The following BCL2L13 variants were observed in gnomAD, a reference collection of about 807,000 sequenced individuals.
BCL2L13 encodes bcl-2-like protein 13.
In BCL2L13, 13 loss-of-function variants were observed where a neutral mutation model predicts 25.8. The observed-to-expected ratio is 0.50, with a 90% confidence interval of 0.33 to 0.80. The LOEUF is 0.80. Ranked by LOEUF, BCL2L13 falls within the 30% of genes least tolerant of loss-of-function variation. BCL2L13 has a pLI of 0.02. For synonymous variants in BCL2L13, 244 were observed against 230.3 expected, an observed-to-expected ratio of 1.06 and a Z score of -0.54; for missense variants, 504 against 574.9, an observed-to-expected ratio of 0.88 and a Z score of 1.26.
chr22:17,646,716 C>CTTTTTTTTTTT (rs10684670), intron 1 of BCL2L13, among the ~76,000 whole-genome samples: 1 of 89,192 alleles, frequency 1.1e-5, no homozygotes, highest in Non-Finnish European at 2.0e-5. Context: ...AAATATCTGT[C>CTTTTTTTTTTT]TTTTTTTTTT....
rs957882776 is a variant in BCL2L13, at chr22:17,729,431, G to C, written c.*1897G>C. The C allele has an allele frequency of 1.2e-4, 18 of 152,172 alleles. No individual in the cohort carries two copies. Among genetic ancestry groups the C allele is most frequent in the Non-Finnish European group, 1.9e-4 (13 of 68,030 alleles). The allele number at this position is 152,172 out of a possible 1,614,324, so 9.4% of individuals were successfully genotyped here. ...CTCTGATAGTTGCATTGATTGTTCT[G>C]TATTCTAATTGCTATATTTGTGTTT... On this transcript the variant is annotated 3_prime_UTR_variant, in exon 7 of 7. Transcript: ENST00000317582.
At chr22:17,701,475 G>A (rs2060432445) in intron 5 of BCL2L13, among the ~76,000 whole-genome samples, 1 of 152,048 alleles carries the variant, frequency 6.6e-6, no homozygotes, top group African/African-American at 2.4e-5. Context: ...TACACAAATG[G>A]TACTGTATGT....
chr22:17,666,678 C>CTTTTT (rs35623813), intron 2 of BCL2L13, among the ~76,000 whole-genome samples: 11 of 121,304 alleles, frequency 9.1e-5, no homozygotes, highest in Admixed American at 1.9e-4. Flanking sequence ...GGACCTCATT[C>CTTTTT]TTTTTTTTTT....
At chr22:17,663,770 TCCAC>T (rs1343346923) in intron 2 of BCL2L13, among the ~76,000 whole-genome samples, 2 of 133,876 alleles carry the variant, frequency 1.5e-5, no homozygotes, top group Non-Finnish European at 3.1e-5. Context: ...CACTGCAACC[TCCAC>T]CCGCCTAGTT....
At chr22:17,635,438 G>A (rs5747302), upstream of BCL2L13, among the ~76,000 whole-genome samples, 79,909 of 151,884 alleles carry the variant, frequency 0.53, 22,849 homozygotes, top group African/African-American at 0.75. Flanking sequence ...AAAGTCAAAT[G>A]ATTTCTATAA....
intron 1 of BCL2L13, among the ~76,000 whole-genome samples, chr22:17,650,888 C>T (rs1307633634): frequency 6.6e-6 from 1 of 151,766 alleles, no homozygotes; most frequent in African/African-American, 2.4e-5. Flanking sequence ...TATTTTCTTT[C>T]AGGCTATCTT....
intron 2 of BCL2L13, among the ~76,000 whole-genome samples, chr22:17,658,892 A>C (rs2058974311): frequency 6.7e-6 from 1 of 148,464 alleles, no homozygotes; most frequent in Non-Finnish European, 1.5e-5. Context: ...CCCCATCTCT[A>C]CTAAAAATAC....
intron 6 of BCL2L13, among the ~76,000 whole-genome samples, chr22:17,707,022 TTAATC>T (rs1406481506): frequency 6.6e-6 from 1 of 152,216 alleles, no homozygotes; most frequent in East Asian, 1.9e-4. Flanking sequence ...TTTTGTTTGT[TTAATC>T]TAGGATATTT....
intron 1 of BCL2L13, among the ~76,000 whole-genome samples, chr22:17,651,601 C>T (rs971644246): frequency 2.7e-5 from 4 of 149,222 alleles, no homozygotes; most frequent in Non-Finnish European, 5.9e-5. Context: ...AGGCTGGTCT[C>T]GAACTCCTGA....
intron 4 of BCL2L13, among the ~76,000 whole-genome samples, chr22:17,691,217 A>G (rs778757491): frequency 5.3e-5 from 8 of 152,072 alleles, no homozygotes; most frequent in Non-Finnish European, 7.4e-5. Context: ...GTACTTTCAT[A>G]TATTTTATAT....
chr22:17,727,354 C>T lies in BCL2L13; in HGVS notation c.1278C>T (p.Ser426=). The T allele has an allele frequency of 3.1e-6, 5 of 1,614,202 alleles. No homozygotes were observed. The highest frequency in any genetic ancestry group is 2.2e-5 in the East Asian group (1 of 44,882). The change falls in exon 7 of 7, where the codon TCC becomes TCT. Residue 426 remains serine, a synonymous_variant. Transcript: ENST00000317582. The part of the protein sequence containing the change: ...AREESLVEEL[S]PASEKKPVPP... ...AAGAGAGCCTTGTGGAAGAGCTGTC[C>T]CCTGCCAGCGAGAAGAAGCCCGTGC...
intron 6 of BCL2L13, among the ~76,000 whole-genome samples, chr22:17,723,582 A>G (rs2061209029): frequency 6.6e-6 from 1 of 152,222 alleles, no homozygotes; most frequent in Non-Finnish European, 1.5e-5. Context: ...GCAAGTTATG[A>G]AATAGCATAA....
intron 6 of BCL2L13, among the ~76,000 whole-genome samples, chr22:17,714,185 C>T (rs1207180912): frequency 5.3e-5 from 8 of 151,776 alleles, no homozygotes; most frequent in South Asian, 4.2e-4. Context: ...CCCAGCTACT[C>T]GGGAGGCTGA....
At chr22:17,683,676 T>G (rs1215528353) in intron 3 of BCL2L13, among the ~76,000 whole-genome samples, 2 of 152,120 alleles carry the variant, frequency 1.3e-5, no homozygotes, top group African/African-American at 4.8e-5. Context: ...AGCATACGCT[T>G]TTATTTTTGC....
chr22:17,674,830 T>A (rs2059530626), intron 2 of BCL2L13, among the ~76,000 whole-genome samples: 1 of 152,066 alleles, frequency 6.6e-6, no homozygotes, highest in Admixed American at 6.6e-5. Flanking sequence ...TCATACTGGA[T>A]GCAAATAGTA....
intron 2 of BCL2L13, among the ~76,000 whole-genome samples, chr22:17,681,098 C>T (rs965917061): frequency 1.3e-5 from 2 of 152,150 alleles, no homozygotes; most frequent in African/African-American, 4.8e-5. Flanking sequence ...ATCATTGGCC[C>T]TGCTCATTAA....
In BCL2L13 at chr22:17,726,693, T is replaced by A. The variant is rs766369953; in HGVS notation, c.617T>A (p.Leu206His). The A allele has an allele frequency of 6.2e-7, 1 of 1,613,874 alleles. No homozygotes were observed. The highest frequency in any genetic ancestry group is 2.2e-5 in the East Asian group (1 of 44,872). Residue 206 changes from leucine to histidine, a missense_variant, in exon 7 of 7, where the codon CTT (leucine) becomes CAT (histidine). Leu to His is a moderately conservative substitution (Grantham distance 99). Coordinates refer to ENST00000317582, the MANE Select transcript of BCL2L13 (RefSeq NM_015367.4). ...CGTTTCTAGGGCACTGTGTTTAGTC[T>A]TGAGTCAGAGGAGGAGGAATACCCT... The part of the protein sequence containing the change: ...QQGGWGTVFS[L>H]ESEEEEYPGI...
At chr22:17,686,517 C>T (rs1236804671) in intron 3 of BCL2L13, among the ~76,000 whole-genome samples, 7 of 139,958 alleles carry the variant, frequency 5.0e-5, no homozygotes, top group East Asian at 2.1e-4. Context: ...CTTTTTTTTT[C>T]TTTTTTTTTT....
Position 17,729,886 on chromosome 22 carries a change from C to A in BCL2L13, c.*2352C>A, listed in dbSNP as rs1010811754. 7.9e-5 allele frequency: 12 copies of A among 152,348 alleles called. No homozygotes were observed. The East Asian group carries it at 2.3e-3, about 29-fold the overall frequency. The allele number at this position is 152,348 out of a possible 1,614,324, so 9.4% of individuals were successfully genotyped here. A position where few individuals can be genotyped will look rare whatever the true frequency, so the allele number is the denominator to read the frequency against. ...TCACGTCCTCACCCTCTGCCTCCAG[C>A]AGTGGAAGGGAACAGCCCTCATGAG... On this transcript the variant is annotated 3_prime_UTR_variant, in exon 7 of 7. Coordinates refer to ENST00000317582, the MANE Select transcript of BCL2L13 (RefSeq NM_015367.4).
Sources: allele counts gnomAD v4.1 joint callset (sites outside exome capture counted in the v4.1 genomes callset), GRCh38; gene constraint gnomAD v4.1.1; transcripts MANE v1.5; gene names NCBI Gene and HGNC (gene_info 2026-07-23, HGNC 2026-07-21).